Variants in KLF11 observed in about 807,000 individuals in gnomAD.
KLF11 encodes the protein KLF transcription factor 11.
A neutral mutation model predicts 29.9 loss-of-function variants in KLF11; 26 were observed. The ratio of observed to expected loss-of-function variants is 0.87; its 90% confidence interval spans 0.64 to 1.21. The LOEUF (loss-of-function observed/expected upper bound fraction) is 1.21, where lower values mean the gene tolerates loss of function less well. KLF11 is among the 50% of genes most tolerant of loss of function. The pLI is 0.00. For missense variants in KLF11, 778 were observed against 665.7 expected (o/e 1.17, Z -1.86); for synonymous variants, 318 against 257.4 (o/e 1.24, Z -2.25).
chr2:10,045,940 G>T (rs1393819110), intron 1 of KLF11, among the ~76,000 whole-genome samples: 1 of 152,276 alleles, frequency 6.6e-6, no homozygotes, highest in Non-Finnish European at 1.5e-5. Flanking sequence ...TGCCAGCTTA[G>T]TTCTGTCTGT....
chr2:10,046,179 C>G lies in KLF11; in HGVS notation c.72C>G (p.Ile24Met). The change falls in exon 2 of 4, where the codon ATC (isoleucine) becomes ATG (methionine). Residue 24 changes from isoleucine to methionine, a missense_variant. Coordinates refer to ENST00000305883, the MANE Select transcript of KLF11 (RefSeq NM_003597.5). ...ACATCATGGACATATGTGAGTCCAT[C>G]CTGGAGAGGAAGCGGCATGACAGCG... is the stretch of plus-strand genomic sequence containing the variant. ...AVDIMDICES[I>M]LERKRHDSER... is the part of the protein sequence containing the mutation. 1 of 1,614,080 alleles carries G rather than the reference C, an allele frequency of 6.2e-7. No individual in the cohort carries two copies. Among genetic ancestry groups the G allele is most frequent in the Non-Finnish European group, 8.5e-7 (1 of 1,180,042 alleles).
chr2:10,048,401 C>G lies in KLF11; in HGVS notation c.1064C>G (p.Ala355Gly), dbSNP rs1661298532. 2 of 1,613,854 alleles carry G rather than the reference C, an allele frequency of 1.2e-6. No homozygotes were observed. The highest frequency in any genetic ancestry group is 1.7e-6 in the Non-Finnish European group (2 of 1,179,864). Residue 355 changes from alanine to glycine, a missense_variant, in exon 3 of 4, where the codon GCA (alanine) becomes GGA (glycine). Transcript: ENST00000305883. The part of the protein sequence containing the change: ...QGALPPPAPC[A>G]ANVMAAGNTK... ...GCCCTCCCTCCGCCTGCCCCCTGTG[C>G]AGCCAATGTCATGGCTGCCGGGAAT...
rs1452865031 is a variant in KLF11 at position 10,048,060 on chromosome 2, G to C, written c.723G>C (p.Leu241=). 4 of 1,614,084 alleles carry C rather than the reference G, an allele frequency of 2.5e-6. No homozygotes were observed. The highest frequency in any genetic ancestry group is 3.4e-6 in the Non-Finnish European group (4 of 1,180,052). ...CCTGCTTGCACAAGTCTGGTGGCCT[G>C]CTGCTCACTGACAAAGGCCAGCAGG... The part of the protein sequence containing the change: ...CQPCLHKSGG[L]LLTDKGQQAG... Residue 241 remains leucine, a synonymous_variant, in exon 3 of 4, where the codon CTG becomes CTC. Transcript: ENST00000305883.
At position 10,046,540 on chromosome 2, in the gene KLF11, C is replaced by G. The variant is rs1661210161; in HGVS notation, c.312+121C>G. 8.3e-6 allele frequency: 9 copies of G among 1,077,874 alleles called. No homozygotes were observed. The East Asian group carries it at 2.2e-4, about 26-fold the overall frequency. 66.8% of individuals were successfully genotyped at this position (1,077,874 alleles called of 1,614,324 possible). A position where few individuals can be genotyped will look rare whatever the true frequency, so the allele number is the denominator to read the frequency against. On this transcript the variant is annotated intron_variant, in intron 2 of 3. Coordinates refer to ENST00000305883, the MANE Select transcript of KLF11 (RefSeq NM_003597.5). ...CTGGCAAATAAGTTGCGTATCCTCT[C>G]TGTGTGGGTCTGAAGGAGTAGAAAC... is the stretch of plus-strand genomic sequence containing the variant.
intron 1 of KLF11, 56 bp downstream of exon 1, chr2:10,043,814 G>T: frequency 7.5e-7 from 1 of 1,328,206 alleles, no homozygotes; most frequent in Admixed American, 2.5e-5. Context: ...GGCGAGGCGG[G>T]GGAAGTGGTG....
rs1661283116 is a variant in KLF11, at chr2:10,048,222, A to C, written c.885A>C (p.Gln295His). The change falls in exon 3 of 4, where the codon CAA becomes CAC. Residue 295 changes from glutamine to histidine, a missense_variant. By Grantham distance (24) the Gln-to-His change is conservative (BLOSUM62 0). Coordinates refer to ENST00000305883, the MANE Select transcript of KLF11 (RefSeq NM_003597.5). ...VLCQMIPVTG[Q>H]SSMLPAFLKP... ...GCCAGATGATCCCTGTGACTGGACA[A>C]AGTAGCATGTTACCAGCTTTTTTGA... 6.2e-7 allele frequency: 1 copy of C among 1,613,910 alleles called. No individual in the cohort carries two copies. Among genetic ancestry groups the C allele is most frequent in the Admixed American group, 1.7e-5 (1 of 60,000 alleles).
chr2:10,046,073 G>A, intron 1 of KLF11, 77 bp from the exon 2 acceptor site: 1 of 1,551,666 alleles, frequency 6.4e-7, no homozygotes, highest in Non-Finnish European at 8.9e-7. Flanking sequence ...CTTCTGATAT[G>A]CATATCCACA....
At chr2:10,043,853 G>C (rs1558344377) in intron 1 of KLF11, 95 bp downstream of exon 1, 2 of 1,241,286 alleles carry the variant, frequency 1.6e-6, no homozygotes, top group South Asian at 1.6e-5. Flanking sequence ...AAATGCGGGA[G>C]GTGGGGCGTG....
Position 10,043,677 on chromosome 2 carries a change from C to T in KLF11, c.-40C>T, listed in dbSNP as rs1661064001. 7.8e-7 allele frequency: 1 copy of T among 1,274,318 alleles called. No homozygotes were observed. The allele number at this position is 1,274,318 out of a possible 1,614,324, so 78.9% of individuals were successfully genotyped here. ...GCGGCCGCTGCTGCGCCCGAGCTCA[C>T]GCCCCGCGGCCGCTTTGTTGCTCCC... is the stretch of plus-strand genomic sequence containing the variant. On this transcript the variant is annotated 5_prime_UTR_variant, in exon 1 of 4. It adds an upstream start codon to the 5' untranslated region. Coordinates refer to ENST00000305883, the MANE Select transcript of KLF11 (RefSeq NM_003597.5).
intron 3 of KLF11, among the ~76,000 whole-genome samples, chr2:10,051,182 A>G (rs1433335640): frequency 6.6e-6 from 1 of 151,554 alleles, no homozygotes; most frequent in Non-Finnish European, 1.5e-5. Context: ...TGCTGGGATT[A>G]CAGGTGTGAG....
In KLF11 at chr2:10,052,349, C is replaced by T. The variant is rs755998633; in HGVS notation, c.1381C>T (p.Arg461Ter). ...EKKFVCPVCD[R>*]RFMRSDHLTK... ...GAAGTTTGTGTGCCCGGTGTGTGAC[C>T]GACGTTTCATGCGCAGTGACCACCT... The change falls in exon 4 of 4, where the codon CGA (arginine) becomes TGA (stop). Residue 461 changes from arginine (R) to a stop codon, truncating the protein, a stop_gained. Coordinates refer to ENST00000305883, the MANE Select transcript of KLF11 (RefSeq NM_003597.5). LOFTEE classifies it high-confidence loss of function. The T allele has an allele frequency of 3.7e-6, 6 of 1,613,916 alleles. No individual in the cohort carries two copies. The highest frequency in any genetic ancestry group is 5.1e-6 in the Non-Finnish European group (6 of 1,180,016).
intron 1 of KLF11, among the ~76,000 whole-genome samples, chr2:10,044,974 G>A (rs749911130): frequency 1.3e-5 from 2 of 151,896 alleles, no homozygotes; most frequent in Admixed American, 6.6e-5. Context: ...GGGGAAAACC[G>A]CTCTCTACTA....
chr2:10,050,235 C>T (rs146945254), intron 3 of KLF11, among the ~76,000 whole-genome samples: 110 of 151,996 alleles, frequency 7.2e-4, no homozygotes, highest in Non-Finnish European at 1.3e-3. Flanking sequence ...GGTGAAACCC[C>T]GTTTCTACTA....
chr2:10,048,070 G>C lies in KLF11; in HGVS notation c.733G>C (p.Asp245His), dbSNP rs1441452671. 1 of 1,614,180 alleles carries C rather than the reference G, an allele frequency of 6.2e-7. No individual in the cohort carries two copies. The highest frequency in any genetic ancestry group is 1.7e-5 in the Admixed American group (1 of 60,034). ...LHKSGGLLLTDKGQQAGWPGA... is the reference protein window; with the variant it reads ...LHKSGGLLLTHKGQQAGWPGA... ...CAAGTCTGGTGGCCTGCTGCTCACTGACAAAGGCCAGCAGGCAGGGTGGCC... is the reference window on the plus strand; with the variant it reads ...CAAGTCTGGTGGCCTGCTGCTCACTCACAAAGGCCAGCAGGCAGGGTGGCC... The change falls in exon 3 of 4, where the codon GAC (aspartate) becomes CAC (histidine). Residue 245 changes from aspartate to histidine, a missense_variant. Physicochemically the swap from Asp to His is moderately conservative, Grantham distance 81. Coordinates refer to ENST00000305883, the MANE Select transcript of KLF11 (RefSeq NM_003597.5).
At position 10,052,430 on chromosome 2, in the gene KLF11, G is replaced by C. The variant is rs1221960562; in HGVS notation, c.1462G>C (p.Glu488Gln). The C allele has an allele frequency of 6.2e-7, 1 of 1,614,198 alleles. No individual in the cohort carries two copies. Among genetic ancestry groups the C allele is most frequent in the Non-Finnish European group, 8.5e-7 (1 of 1,180,032 alleles). ...CAAGAAGATCCCAGGCTGGCAGGCA[G>C]AGGTTGGCAAGCTGAACAGAATCGC... Reference protein sequence around the residue: ...TTKKIPGWQAEVGKLNRIASA... With the variant: ...TTKKIPGWQAQVGKLNRIASA... The change falls in exon 4 of 4, where the codon GAG (glutamate) becomes CAG (glutamine). Residue 488 changes from glutamate to glutamine, a missense_variant. Coordinates refer to ENST00000305883, the MANE Select transcript of KLF11 (RefSeq NM_003597.5).
At chr2:10,044,020 C>T in intron 1 of KLF11, 9 of 727,156 alleles carry the variant, frequency 1.2e-5, no homozygotes, top group Non-Finnish European at 1.0e-5. Context: ...CCCCGCCCCG[C>T]TGGCCCCGCG....
At position 10,047,891 on chromosome 2, in the gene KLF11, C is replaced by T; in HGVS notation, c.554C>T (p.Ala185Val). ...CGACACACTGGGGAGAGCCCTGCTG[C>T]CTGCTTTCCCACCATCCAGACTCCA... ...VIRHTGESPA[A>V]CFPTIQTPDC... Residue 185 changes from alanine (A) to valine (V), a missense_variant, in exon 3 of 4, where the codon GCC becomes GTC. Physicochemically the swap from Ala to Val is moderately conservative, Grantham distance 64. Transcript: ENST00000305883. 1 of 1,613,746 alleles carries T rather than the reference C, an allele frequency of 6.2e-7. No homozygotes were observed. Among genetic ancestry groups the T allele is most frequent in the South Asian group, 1.1e-5 (1 of 91,084 alleles).
At chr2:10,045,513 A>G (rs1015530882) in intron 1 of KLF11, among the ~76,000 whole-genome samples, 1 of 152,056 alleles carries the variant, frequency 6.6e-6, no homozygotes, top group African/African-American at 2.4e-5. Context: ...AAAAAACTGC[A>G]AAGAGATCCT....
chr2:10,046,280 G>A lies in KLF11; in HGVS notation c.173G>A (p.Gly58Asp), dbSNP rs942635668. The A allele has an allele frequency of 1.2e-6, 2 of 1,614,170 alleles. No individual in the cohort carries two copies. The highest frequency in any genetic ancestry group is 1.3e-5 in the African/African-American group (1 of 75,030). ...GCTCTTGTTTGTATGAGCTCCTGGG[G>A]TCAAAGATCCCAGAAAGGTGACCTG... The part of the protein sequence containing the change: ...VEALVCMSSW[G>D]QRSQKGDLLR... Residue 58 changes from glycine (G) to aspartate (D), a missense_variant, in exon 2 of 4, where the codon GGT (glycine) becomes GAT (aspartate). Transcript: ENST00000305883.
Sources: gnomAD v4.1 joint callset for allele counts (sites outside exome capture counted in the v4.1 genomes callset) on GRCh38, gnomAD v4.1.1 for gene constraint, MANE v1.5 for transcripts, NCBI Gene and HGNC (gene_info 2026-07-23, HGNC 2026-07-21) for gene names.